Variants in CSNK1D observed in about 807,000 individuals in gnomAD.
The protein encoded by CSNK1D is casein kinase I isoform delta.
A neutral mutation model predicts 46.6 loss-of-function variants in CSNK1D; 16 were observed. That is an observed-to-expected ratio of 0.34 (90% CI 0.23 to 0.52). The LOEUF (loss-of-function observed/expected upper bound fraction) is 0.52, where lower values mean the gene tolerates loss of function less well. Among genes scored for constraint, CSNK1D ranks in the 20% least tolerant of loss-of-function variants. The pLI is 0.95. For synonymous variants in CSNK1D, 276 were observed against 228.2 expected (o/e 1.21, Z -1.89); for missense variants, 398 against 578.4 (o/e 0.69, Z 3.20).
rs77305930 is a variant in CSNK1D at position 82,273,367 on chromosome 17, G to A, written c.15C>T (p.Val5=). The part of the protein sequence containing the change: MELR[V]GNRYRLGRKI... ...TCCGGCCCAGCCGGTACCTGTTCCC[G>A]ACTCTCAGCTCCATGGCGGCGGCGG... The change falls in exon 1 of 9, where the codon GTC becomes GTT. Residue 5 remains valine, a synonymous_variant. Transcript: ENST00000314028. This position sits in a 1 kb window ranked among gnomAD's most constrained non-coding sequence, Gnocchi z 5.1. 4.3e-6 allele frequency: 7 copies of A among 1,611,184 alleles called. No individual in the cohort carries two copies. Among genetic ancestry groups the A allele is most frequent in the African/African-American group, 2.7e-5 (2 of 74,772 alleles).
Position 82,273,441 on chromosome 17 carries a change from G to C in CSNK1D, c.-60C>G. 1 of 1,594,160 alleles carries C rather than the reference G, an allele frequency of 6.3e-7. No individual in the cohort carries two copies. The highest frequency in any genetic ancestry group is 8.5e-7 in the Non-Finnish European group (1 of 1,170,580). ...GCCGCTTCCTGGGTCTGAACTCTGGGAGGCGGCGCCGCTGCTGCCGCTACT... is the reference window on the plus strand; with the variant it reads ...GCCGCTTCCTGGGTCTGAACTCTGGCAGGCGGCGCCGCTGCTGCCGCTACT... On this transcript the variant is annotated 5_prime_UTR_variant, in exon 1 of 9. Transcript: ENST00000314028. This position sits in a 1 kb window ranked among gnomAD's most constrained non-coding sequence, Gnocchi z 5.1.
intron 2 of CSNK1D, among the ~76,000 whole-genome samples, chr17:82,256,510 C>CAAA (rs766836720): frequency 1.3e-5 from 1 of 79,602 alleles, no homozygotes; most frequent in African/African-American, 4.1e-5. Flanking sequence ...AAGACCCTGT[C>CAAA]AAAAAAAAAA....
At position 82,253,540 on chromosome 17, in the gene CSNK1D, G is replaced by A. The variant is rs562004876; in HGVS notation, c.337-296C>T. 3.3e-5 allele frequency: 14 copies of A among 424,184 alleles called. No homozygotes were observed. The East Asian group carries it at 6.4e-4, about 19-fold the overall frequency. The allele number at this position is 424,184 out of a possible 1,614,324, so 26.3% of individuals were successfully genotyped here. A position where few individuals can be genotyped will look rare whatever the true frequency, so the allele number is the denominator to read the frequency against. On this transcript the variant is annotated intron_variant, in intron 3 of 8. Coordinates refer to ENST00000314028, the MANE Select transcript of CSNK1D (RefSeq NM_001893.6). ...CGCCACTAGACATCGGTCTCTCCCA[G>A]CACTGTTCTCTGCACAGACTACACA...
At position 82,247,253 on chromosome 17, in the gene CSNK1D, G is replaced by C. The variant is rs2050873864; in HGVS notation, c.1197+1622C>G. On this transcript the variant is annotated intron_variant, in intron 8 of 8. Coordinates refer to ENST00000314028, the MANE Select transcript of CSNK1D (RefSeq NM_001893.6). ...GAGCCAGCTGCGGGTTCCTGCCACA[G>C]CTCACCATGGAAGGAGACACTGCTC... is the stretch of plus-strand genomic sequence containing the variant. 4.1e-6 allele frequency: 4 copies of C among 985,310 alleles called. No homozygotes were observed. The South Asian group carries it at 1.4e-4, about 35-fold the overall frequency. The allele number at this position is 985,310 out of a possible 1,614,324, so 61.0% of individuals were successfully genotyped here.
At chr17:82,268,186 G>A (rs1318952668) in intron 1 of CSNK1D, among the ~76,000 whole-genome samples, 2 of 152,214 alleles carry the variant, frequency 1.3e-5, no homozygotes, top group African/African-American at 4.8e-5. Flanking sequence ...CCTGCAGCAG[G>A]GACCTCGTCA....
chr17:82,241,669 C>T (rs533165614), downstream of CSNK1D, among the ~76,000 whole-genome samples: 6 of 152,162 alleles, frequency 3.9e-5, no homozygotes, highest in African/African-American at 1.2e-4. Context: ...AGGCCCCACA[C>T]GGTGTCTCAG....
At chr17:82,240,392 C>T (rs531725662), downstream of CSNK1D, among the ~76,000 whole-genome samples, 6 of 152,304 alleles carry the variant, frequency 3.9e-5, no homozygotes, top group East Asian at 7.7e-4. Flanking sequence ...GGCCTTCCCC[C>T]GCTGGCACCC....
chr17:82,240,684 A>G (rs2147143188), downstream of CSNK1D, among the ~76,000 whole-genome samples: 1 of 152,210 alleles, frequency 6.6e-6, no homozygotes, highest in South Asian at 2.1e-4. Context: ...GGCTCAACAC[A>G]AAGTAGCCAG....
In CSNK1D at chr17:82,273,111, C is replaced by A; in HGVS notation, c.76+195G>T. 1 of 591,150 alleles carries A rather than the reference C, an allele frequency of 1.7e-6. No homozygotes were observed. The highest frequency in any genetic ancestry group is 3.0e-6 in the Non-Finnish European group (1 of 337,222). 36.6% of individuals were successfully genotyped at this position (591,150 alleles called of 1,614,324 possible). A position where few individuals can be genotyped will look rare whatever the true frequency, so the allele number is the denominator to read the frequency against. On this transcript the variant is annotated intron_variant, in intron 1 of 8. Coordinates refer to ENST00000314028, the MANE Select transcript of CSNK1D (RefSeq NM_001893.6). This position sits in a 1 kb window ranked among gnomAD's most constrained non-coding sequence, Gnocchi z 5.1. ...CCGACCTGGTCCTGCCCCTCCCCCA[C>A]GTCCGCTCCCCACTGCCCTCCCCAC...
In CSNK1D at chr17:82,252,383, T is replaced by C. The variant is rs111842658; in HGVS notation, c.736+51A>G. 10 of 1,604,684 alleles carry C rather than the reference T, an allele frequency of 6.2e-6. No homozygotes were observed. Among genetic ancestry groups the C allele is most frequent in the East Asian group, 2.2e-5 (1 of 44,844 alleles). On this transcript the variant is annotated intron_variant, in intron 5 of 8. Transcript: ENST00000314028. The surrounding 1 kb of genome is among the most constrained non-coding windows in gnomAD (Gnocchi z 4.6). ...GAGCCGTCTCGGCACACCCGACACATATGCAACCCCTGTGAGCAGCTCCGC... is the reference window on the plus strand; with the variant it reads ...GAGCCGTCTCGGCACACCCGACACACATGCAACCCCTGTGAGCAGCTCCGC...
intron 1 of CSNK1D, among the ~76,000 whole-genome samples, chr17:82,267,779 C>T (rs1038533425): frequency 6.6e-6 from 1 of 152,238 alleles, no homozygotes. Context: ...CTCCCTGCAC[C>T]CCCAAGCAGG....
In CSNK1D at chr17:82,248,595, A is replaced by G; in HGVS notation, c.1197+280T>C. The stretch of plus-strand genomic sequence containing the variant: ...CGGCTGCGGGCAGCGGGGCACTCAA[A>G]CAGCAGGAGAAAGCCCCCACGGTTT... On this transcript the variant is annotated intron_variant, in intron 8 of 8. Coordinates refer to ENST00000314028, the MANE Select transcript of CSNK1D (RefSeq NM_001893.6). This position sits in a 1 kb window ranked among gnomAD's most constrained non-coding sequence, Gnocchi z 4.1. 7.8e-7 allele frequency: 1 copy of G among 1,286,524 alleles called. No individual in the cohort carries two copies. The highest frequency in any genetic ancestry group is 1.7e-5 in the South Asian group (1 of 59,350). 79.7% of individuals were successfully genotyped at this position (1,286,524 alleles called of 1,614,324 possible).
chr17:82,246,804 G>T, intron 8 of CSNK1D: 3 of 987,092 alleles, frequency 3.0e-6, no homozygotes, highest in Non-Finnish European at 3.6e-6. Flanking sequence ...GAAAGAACAG[G>T]GAAGAGCGAC....
chr17:82,255,871 G>A lies in CSNK1D; in HGVS notation c.188-294C>T, dbSNP rs1330475120. ...CCCCGACTCCCGTCTTCTAGGGCAGGGGGGCAGGAGACACAGAAAGCAGCC... is the reference window on the plus strand; with the variant it reads ...CCCCGACTCCCGTCTTCTAGGGCAGAGGGGCAGGAGACACAGAAAGCAGCC... On this transcript the variant is annotated intron_variant, in intron 2 of 8. Coordinates refer to ENST00000314028, the MANE Select transcript of CSNK1D (RefSeq NM_001893.6). This position sits in a 1 kb window ranked among gnomAD's most constrained non-coding sequence, Gnocchi z 5.9. 6.6e-6 allele frequency among the ~76,000 whole-genome samples: 1 copy of A among 152,226 alleles called. No homozygotes were observed. The highest frequency in any genetic ancestry group is 2.4e-5 in the African/African-American group (1 of 41,460).
intron 2 of CSNK1D, among the ~76,000 whole-genome samples, chr17:82,263,259 C>A (rs1419227497): frequency 1.3e-5 from 2 of 152,360 alleles, no homozygotes; most frequent in East Asian, 1.9e-4. Context: ...GCATTTAACA[C>A]AGAAGACCTG....
At chr17:82,242,429 T>C (rs944904763), downstream of CSNK1D, among the ~76,000 whole-genome samples, 2 of 152,030 alleles carry the variant, frequency 1.3e-5, no homozygotes, top group Non-Finnish European at 2.9e-5. Context: ...AGAAAGTGCG[T>C]GGACTTCTGT....
At chr17:82,239,033 C>T (rs1343787055), downstream of CSNK1D, 4 of 1,469,026 alleles carry the variant, frequency 2.7e-6, no homozygotes, top group Middle Eastern at 2.1e-4. Flanking sequence ...GCAACGCTTG[C>T]TATTTATTTT....
At chr17:82,244,950 T>G in intron 8 of CSNK1D, 119 bp from the exon 9 acceptor site, 2 of 1,338,616 alleles carry the variant, frequency 1.5e-6, no homozygotes, top group Non-Finnish European at 2.1e-6. Flanking sequence ...AGCCCCAGTC[T>G]AGACGCCTGC....
chr17:82,263,513 T>C (rs2051392061), intron 2 of CSNK1D, among the ~76,000 whole-genome samples: 1 of 152,220 alleles, frequency 6.6e-6, no homozygotes, highest in Admixed American at 6.5e-5. Context: ...GCAGGGGTGC[T>C]GCCAACATCT....
Sources: allele counts gnomAD v4.1 joint callset (sites outside exome capture counted in the v4.1 genomes callset), GRCh38; gene constraint gnomAD v4.1.1; non-coding constraint Gnocchi (gnomAD v3.1); transcripts MANE v1.5; gene names NCBI Gene and HGNC (gene_info 2026-07-23, HGNC 2026-07-21).